The following CDKL1 variants were observed in gnomAD, a reference collection of about 807,000 sequenced individuals.
The protein encoded by CDKL1 is cyclin dependent kinase like 1, also known as cyclin-dependent kinase-like 1.
CDKL1 carries 41 observed loss-of-function variants against 42.0 expected under a neutral mutation model. That is an observed-to-expected ratio of 0.98 (90% confidence interval 0.76 to 1.27). The LOEUF is 1.27. CDKL1 is among the 50% of genes most tolerant of loss of function. CDKL1 has a pLI of 0.00. For missense variants in CDKL1, 394 were observed against 428.4 expected, an observed-to-expected ratio of 0.92 and a Z score of 0.71; for synonymous variants, 153 against 158.6, an observed-to-expected ratio of 0.96 and a Z score of 0.26.
At chr14:50,378,209 G>C (rs1234885384) in intron 2 of CDKL1, 17 of 1,366,400 alleles carry the variant, frequency 1.2e-5, no homozygotes, top group Non-Finnish European at 1.6e-5. Flanking sequence ...ACATGATGCA[G>C]GTGCCTCCTT....
At chr14:50,391,474 C>A (rs1272838535) in intron 2 of CDKL1, among the ~76,000 whole-genome samples, 1 of 152,112 alleles carries the variant, frequency 6.6e-6, no homozygotes, top group Non-Finnish European at 1.5e-5. Flanking sequence ...CCTCTGCCTC[C>A]CGGGTTCAAG....
intron 4 of CDKL1, chr14:50,343,154 A>ATT: frequency 1.5e-5 from 4 of 265,286 alleles, no homozygotes; most frequent in East Asian, 3.0e-4. Flanking sequence ...ATTAAGAGTT[A>ATT]CTTTTTTTTT....
Position 50,340,532 on chromosome 14 carries a change from C to T in CDKL1, c.655+500G>A, listed in dbSNP as rs149519072. On this transcript the variant is annotated intron_variant, in intron 6 of 9. Coordinates refer to ENST00000395834, the MANE Select transcript of CDKL1 (RefSeq NM_004196.7). The stretch of plus-strand genomic sequence containing the variant: ...AAGGGTAGAGAGAAAGGAAAGGGCA[C>T]TGGGGTGGGAAAGCAAGACGGACTG... 1.8e-3 allele frequency among the ~76,000 whole-genome samples: 273 copies of T among 152,222 alleles called. 1 individual carries two copies. The highest frequency in any genetic ancestry group is 6.1e-3 in the African/African-American group (252 of 41,538).
rs115273998 is a variant in CDKL1 at position 50,365,223 on chromosome 14, C to G, written c.169-6074G>C. On this transcript the variant is annotated intron_variant, in intron 2 of 9. Transcript: ENST00000395834. ...TGACAGTATTTTTACCATATTATGGCCAGCTTTAAGGAGCCTATAGACAAT... is the reference window on the plus strand; with the variant it reads ...TGACAGTATTTTTACCATATTATGGGCAGCTTTAAGGAGCCTATAGACAAT... Among the ~76,000 whole-genome samples, 998 of 152,262 alleles carry G rather than the reference C, an allele frequency of 6.6e-3. 7 individuals carry two copies. Among genetic ancestry groups the G allele is most frequent in the Middle Eastern group, 0.051 (15 of 294 alleles).
intron 2 of CDKL1, among the ~76,000 whole-genome samples, chr14:50,385,356 C>A (rs1234891943): frequency 6.6e-6 from 1 of 152,176 alleles, no homozygotes; most frequent in Non-Finnish European, 1.5e-5. Context: ...AACATTTAAC[C>A]TGTATCAAAT....
intron 2 of CDKL1, among the ~76,000 whole-genome samples, chr14:50,372,468 C>T (rs998783018): frequency 2.0e-5 from 3 of 152,212 alleles, no homozygotes; most frequent in African/African-American, 7.2e-5. Flanking sequence ...AGGAGTAGGG[C>T]TTGCAAATAG....
At chr14:50,355,501 C>T (rs2034029205) in intron 3 of CDKL1, among the ~76,000 whole-genome samples, 1 of 152,136 alleles carries the variant, frequency 6.6e-6, no homozygotes, top group African/African-American at 2.4e-5. Flanking sequence ...AAAATCCAAA[C>T]CTTGTTATGA....
chr14:50,395,132 C>A (rs1490778497), intron 2 of CDKL1, among the ~76,000 whole-genome samples: 1 of 152,176 alleles, frequency 6.6e-6, no homozygotes, highest in Non-Finnish European at 1.5e-5. Flanking sequence ...AATGTTAATT[C>A]TCTTAATAGA....
chr14:50,386,210 T>C (rs1425579748), intron 2 of CDKL1, among the ~76,000 whole-genome samples: 2 of 151,842 alleles, frequency 1.3e-5, no homozygotes, highest in African/African-American at 2.4e-5. Context: ...GGTGGGAGGA[T>C]TGCTTGAGGC....
At chr14:50,383,320 C>T (rs556600683) in intron 2 of CDKL1, among the ~76,000 whole-genome samples, 161 of 151,972 alleles carry the variant, frequency 1.1e-3, no homozygotes, top group African/African-American at 3.6e-3. Context: ...GAGGCCAAGG[C>T]GGGCAGATCA....
chr14:50,396,965 T>G, upstream of CDKL1: 1 of 673,786 alleles, frequency 1.5e-6, no homozygotes, highest in Non-Finnish European at 2.0e-6. Context: ...GCGCCCCAGC[T>G]TCCCACCCCC....
At chr14:50,397,095 T>TA, upstream of CDKL1, 1 of 1,357,670 alleles carries the variant, frequency 7.4e-7, no homozygotes, top group Non-Finnish European at 9.8e-7. Context: ...GCAGACCTGC[T>TA]AGATTTGCAA....
intron 9 of CDKL1, chr14:50,331,339 A>T (rs1349405613): frequency 6.6e-6 from 1 of 152,324 alleles, no homozygotes; most frequent in Non-Finnish European, 1.5e-5. Flanking sequence ...GAGATAAGGA[A>T]TAATTCTGGC....
In CDKL1 at chr14:50,395,894, TG is replaced by T. The variant is rs1478887173; in HGVS notation, c.-27del. On this transcript the variant is annotated 5_prime_UTR_variant, in exon 2 of 10. Transcript: ENST00000395834. ...CATAGAGGAATAAATCTTCTTAAAATGGATCTTCAGCCGAGAATGGTGGCTC... is the reference window on the plus strand; with the variant it reads ...CATAGAGGAATAAATCTTCTTAAAATGATCTTCAGCCGAGAATGGTGGCTC... 6.2e-7 allele frequency: 1 copy of T among 1,609,304 alleles called. No homozygotes were observed. Among genetic ancestry groups the T allele is most frequent in the South Asian group, 1.1e-5 (1 of 90,964 alleles).
At chr14:50,340,167 G>A (rs1208420112) in intron 6 of CDKL1, among the ~76,000 whole-genome samples, 2 of 152,204 alleles carry the variant, frequency 1.3e-5, no homozygotes, top group Non-Finnish European at 2.9e-5. Context: ...AGTGCCCCTG[G>A]AAGGCCTACA....
At chr14:50,379,298 T>A (rs2139511484) in intron 2 of CDKL1, among the ~76,000 whole-genome samples, 1 of 152,248 alleles carries the variant, frequency 6.6e-6, no homozygotes, top group Middle Eastern at 3.4e-3. Flanking sequence ...GGATGTGTGA[T>A]GTGGGACTGC....
intron 2 of CDKL1, among the ~76,000 whole-genome samples, chr14:50,377,384 C>A (rs972338921): frequency 2.6e-5 from 4 of 152,150 alleles, no homozygotes; most frequent in Admixed American, 2.6e-4. Flanking sequence ...CAGGATGAGT[C>A]CCCGTTCCTG....
intron 4 of CDKL1, chr14:50,342,839 A>C (rs2139402714): frequency 1.7e-4 from 201 of 1,185,586 alleles, no homozygotes; most frequent in Non-Finnish European, 2.0e-4. Context: ...CAGCTTGCCA[A>C]GAGATTTCCC....
At chr14:50,369,584 T>C (rs952294481) in intron 2 of CDKL1, among the ~76,000 whole-genome samples, 10 of 134,730 alleles carry the variant, frequency 7.4e-5, no homozygotes, top group Middle Eastern at 3.6e-3. Flanking sequence ...ATACATATAT[T>C]ATATATAATA....
Sources: gnomAD v4.1 joint callset for allele counts (sites outside exome capture counted in the v4.1 genomes callset) on GRCh38, gnomAD v4.1.1 for gene constraint, MANE v1.5 for transcripts, NCBI Gene and HGNC (gene_info 2026-07-23, HGNC 2026-07-21) for gene names.